EAPP: variants seen among roughly 807,000 people sequenced by gnomAD.
The protein encoded by EAPP is E2F-associated phosphoprotein.
In EAPP, 38 loss-of-function variants were observed where a neutral mutation model predicts 34.3. The observed-to-expected ratio is 1.11, with a 90% CI of 0.85 to 1.45. The LOEUF is 1.45. EAPP is among the 40% of genes most tolerant of loss of function. The pLI is 0.00. For synonymous variants in EAPP, 113 were observed against 117.6 expected (o/e 0.96, Z 0.25); for missense variants, 338 against 343.7 (o/e 0.98, Z 0.13).
chr14:34,536,302 T>C (rs775805233), intron 1 of EAPP, 27 bp from the exon 2 acceptor site: 1 of 1,520,998 alleles, frequency 6.6e-7, no homozygotes, highest in Non-Finnish European at 8.8e-7. Context: ...TCAAAAAGAA[T>C]ATGAATATTT....
intron 5 of EAPP, among the ~76,000 whole-genome samples, chr14:34,518,777 C>A (rs1477443210): frequency 1.3e-5 from 2 of 152,086 alleles, no homozygotes; most frequent in Non-Finnish European, 2.9e-5. Context: ...TGATTGTAGT[C>A]TGTTTTAAGG....
intron 5 of EAPP, among the ~76,000 whole-genome samples, chr14:34,519,137 A>G (rs1193063697): frequency 6.6e-6 from 1 of 152,074 alleles, no homozygotes; most frequent in Middle Eastern, 3.2e-3. Flanking sequence ...GTGAGTACTC[A>G]CAAGATTTGA....
intron 3 of EAPP, among the ~76,000 whole-genome samples, chr14:34,532,728 G>A (rs142473009): frequency 7.4e-5 from 11 of 149,588 alleles, no homozygotes; most frequent in African/African-American, 2.7e-4. Flanking sequence ...AGGCTGGAGT[G>A]CAATGATGCG....
At position 34,528,735 on chromosome 14, in the gene EAPP, T is replaced by C. The variant is rs376655982; in HGVS notation, c.470+623A>G. 6.9e-4 allele frequency among the ~76,000 whole-genome samples: 104 copies of C among 151,774 alleles called. No individual in the cohort carries two copies. The South Asian group carries it at 0.021, about 31-fold the overall frequency. On this transcript the variant is annotated intron_variant, in intron 4 of 5. Transcript: ENST00000250454. ...CACCCTGGCCCATCCACATAAACTC[T>C]TAATCTCAAAGTAATTTAAAACAGC...
chr14:34,516,860 C>T (rs1301606876), intron 5 of EAPP, among the ~76,000 whole-genome samples: 1 of 151,872 alleles, frequency 6.6e-6, no homozygotes, highest in Non-Finnish European at 1.5e-5. Context: ...CAAGCCACTG[C>T]ACCAGGCAGA....
Position 34,527,459 on chromosome 14 carries a change from T to C in EAPP, c.470+1899A>G, listed in dbSNP as rs114776379. On this transcript the variant is annotated intron_variant, in intron 4 of 5. Coordinates refer to ENST00000250454, the MANE Select transcript of EAPP (RefSeq NM_018453.4). ...CAGGAGGAGTGCTTGAGCCCAGAAG[T>C]TTGAGGATACTGTGAGCTATAACTG... Among the ~76,000 whole-genome samples the C allele has an allele frequency of 6.2e-3, 935 of 151,664 alleles. 7 individuals carry two copies. Among genetic ancestry groups the C allele is most frequent in the African/African-American group, 0.021 (886 of 41,336 alleles).
chr14:34,524,539 C>T (rs1880029328), intron 5 of EAPP, 158 bp downstream of exon 5: 2 of 593,198 alleles, frequency 3.4e-6, no homozygotes, highest in Non-Finnish European at 5.9e-6. Context: ...TCGCTTGAAC[C>T]CACGGGGCGG....
At chr14:34,527,228 G>A (rs1880125917) in intron 4 of EAPP, among the ~76,000 whole-genome samples, 1 of 151,164 alleles carries the variant, frequency 6.6e-6, no homozygotes, top group South Asian at 2.1e-4. Context: ...GCCAGCACAG[G>A]AGGTGAAGAC....
chr14:34,533,645 C>T (rs190795802), intron 2 of EAPP, 106 bp from the exon 3 acceptor site: 21 of 672,398 alleles, frequency 3.1e-5, no homozygotes, highest in African/African-American at 2.4e-4. Context: ...AACTCATTCA[C>T]AAACTCATTT....
chr14:34,529,303 A>G, intron 4 of EAPP, 55 bp downstream of exon 4: 1 of 1,309,566 alleles, frequency 7.6e-7, no homozygotes, highest in Non-Finnish European at 1.1e-6. Context: ...TGTAGTAAAA[A>G]TCATCTTTCA....
At chr14:34,529,092 C>T (rs946551860) in intron 4 of EAPP, among the ~76,000 whole-genome samples, 10 of 151,892 alleles carry the variant, frequency 6.6e-5, no homozygotes, top group Non-Finnish European at 1.0e-4. Context: ...GCCAAGATCG[C>T]GCCACTGCAC....
intron 1 of EAPP, among the ~76,000 whole-genome samples, chr14:34,537,487 C>T (rs1393677630): frequency 6.6e-6 from 1 of 152,206 alleles, no homozygotes; most frequent in African/African-American, 2.4e-5. Context: ...AGTCATACAT[C>T]ATGGACCCTA....
At chr14:34,538,627 G>C (rs1290521383) in intron 1 of EAPP, among the ~76,000 whole-genome samples, 1 of 151,150 alleles carries the variant, frequency 6.6e-6, no homozygotes, top group Admixed American at 6.6e-5. Context: ...ATGTTGCCCA[G>C]GCTGTTCCTT....
At chr14:34,531,618 TAAAC>T (rs1349020290) in intron 3 of EAPP, among the ~76,000 whole-genome samples, 4 of 151,604 alleles carry the variant, frequency 2.6e-5, no homozygotes, top group Non-Finnish European at 5.9e-5. Context: ...AATAAATAAA[TAAAC>T]AAACACATAC....
At chr14:34,526,307 T>C (rs1880094075) in intron 4 of EAPP, among the ~76,000 whole-genome samples, 1 of 151,652 alleles carries the variant, frequency 6.6e-6, no homozygotes, top group South Asian at 2.1e-4. Context: ...CGGGTACCTA[T>C]AATCTCAGCT....
intron 5 of EAPP, among the ~76,000 whole-genome samples, chr14:34,520,759 T>A (rs1036199148): frequency 6.6e-6 from 1 of 151,632 alleles, no homozygotes; most frequent in African/African-American, 2.4e-5. Flanking sequence ...CGCTTCCGCC[T>A]CCCAAAGTGC....
chr14:34,533,358 CAGAG>C, intron 3 of EAPP, 82 bp downstream of exon 3: 1 of 1,173,522 alleles, frequency 8.5e-7, no homozygotes, highest in South Asian at 1.3e-5. Context: ...AGACCAAACT[CAGAG>C]GGAAATCCTA....
chr14:34,533,323 C>T (rs531786370), intron 3 of EAPP, 121 bp downstream of exon 3: 2 of 780,844 alleles, frequency 2.6e-6, no homozygotes, highest in East Asian at 2.7e-5. Context: ...GTGTGAGCCA[C>T]CATGCCTAGC....
intron 5 of EAPP, among the ~76,000 whole-genome samples, chr14:34,519,468 G>A (rs1189448766): frequency 6.6e-6 from 1 of 151,780 alleles, no homozygotes; most frequent in Non-Finnish European, 1.5e-5. Flanking sequence ...CTGGGTGGTG[G>A]AGGTTGCAGT....
Sources: gnomAD v4.1 joint callset for allele counts (sites outside exome capture counted in the v4.1 genomes callset) on GRCh38, gnomAD v4.1.1 for gene constraint, MANE v1.5 for transcripts, NCBI Gene and HGNC (gene_info 2026-07-23, HGNC 2026-07-21) for gene names.